The following CES5A variants were observed in gnomAD, a reference collection of about 807,000 sequenced individuals.
CES5A encodes carboxylesterase 5.
A neutral mutation model predicts 62.9 loss-of-function variants in CES5A; 67 were observed. That is an observed-to-expected ratio of 1.07 (90% CI 0.88 to 1.31). The LOEUF is 1.31. CES5A is among the 50% of genes most tolerant of loss of function. The probability of loss-of-function intolerance (pLI) is 0.00; values close to 1 mark genes in which losing one functional copy is unlikely to be tolerated. For synonymous variants in CES5A, 296 were observed against 280.8 expected (o/e 1.05, Z -0.54); for missense variants, 748 against 708.5 (o/e 1.06, Z -0.63).
upstream of CES5A, among the ~76,000 whole-genome samples, chr16:55,879,229 C>A (rs556810812): frequency 6.6e-6 from 1 of 150,826 alleles, no homozygotes; most frequent in Admixed American, 6.6e-5. Context: ...CATCACTGCA[C>A]CCCATCACTG....
In CES5A at chr16:55,875,179, C is replaced by A. The variant is rs752167687; in HGVS notation, c.43G>T (p.Ala15Ser). The change falls in exon 1 of 13, where the codon GCT becomes TCT. Residue 15 changes from alanine (A) to serine (S), a missense_variant. Ala to Ser is a moderately conservative substitution (Grantham distance 99). Coordinates refer to ENST00000290567, the MANE Select transcript of CES5A (RefSeq NM_001143685.2). The stretch of plus-strand genomic sequence containing the variant: ...GTGGGGGCTGCAAGGACCCAGATAG[C>A]CCAAATTAGGATCTGGCCTGGGTGC... ...WVHPGQILIWAIWVLAAPTKG... is the reference protein window; with the variant it reads ...WVHPGQILIWSIWVLAAPTKG... The A allele has an allele frequency of 4.3e-6, 7 of 1,614,098 alleles. No individual in the cohort carries two copies. The highest frequency in any genetic ancestry group is 5.1e-6 in the Non-Finnish European group (6 of 1,180,002).
chr16:55,939,508 A>G (rs1437336799), intron 2 of CES5A, among the ~76,000 whole-genome samples: 1 of 152,170 alleles, frequency 6.6e-6, no homozygotes, highest in African/African-American at 2.4e-5. Flanking sequence ...CCCCTCTGTT[A>G]TTCTAGGACC....
At chr16:55,859,411 G>T (rs181830227) in intron 8 of CES5A, 136 bp downstream of exon 8, 31 of 778,260 alleles carry the variant, frequency 4.0e-5, no homozygotes, top group Admixed American at 2.7e-4. Context: ...AGAGAGTAAA[G>T]GTGATCACTG....
intron 2 of CES5A, among the ~76,000 whole-genome samples, chr16:55,948,607 A>G (rs2034522177): frequency 6.6e-6 from 1 of 152,138 alleles, no homozygotes; most frequent in South Asian, 2.1e-4. Context: ...ACAAAAGAAA[A>G]GGCAAGTTTT....
At chr16:55,920,705 C>T (rs2034195639) in intron 1 of CES5A, among the ~76,000 whole-genome samples, 1 of 152,136 alleles carries the variant, frequency 6.6e-6, no homozygotes, top group South Asian at 2.1e-4. Flanking sequence ...AATGCAAAGA[C>T]ATAAACATAC....
intron 5 of CES5A, among the ~76,000 whole-genome samples, chr16:55,864,207 T>C (rs189724257): frequency 2.0e-4 from 31 of 152,368 alleles, no homozygotes; most frequent in African/African-American, 6.7e-4. Context: ...ATGGTTGTTA[T>C]AATATATGAA....
chr16:55,931,377 A>G (rs1425766465), intron 2 of CES5A, among the ~76,000 whole-genome samples: 5 of 152,162 alleles, frequency 3.3e-5, no homozygotes, highest in Non-Finnish European at 5.9e-5. Context: ...TGATGCCCAA[A>G]AGGAATTAGC....
At chr16:55,953,700 T>C (rs531126035) in intron 1 of CES5A, among the ~76,000 whole-genome samples, 338 of 152,304 alleles carry the variant, frequency 2.2e-3, no homozygotes, top group African/African-American at 7.7e-3. Flanking sequence ...TTTTGCTTTT[T>C]AGTTTTTCTT....
intron 2 of CES5A, among the ~76,000 whole-genome samples, chr16:55,946,658 G>A (rs1294131530): frequency 1.3e-5 from 2 of 152,194 alleles, no homozygotes; most frequent in Admixed American, 1.3e-4. Context: ...GAAGATTGGT[G>A]TATCAGTCAG....
At chr16:55,878,411 G>A (rs2033720645), upstream of CES5A, among the ~76,000 whole-genome samples, 1 of 151,958 alleles carries the variant, frequency 6.6e-6, no homozygotes, top group Non-Finnish European at 1.5e-5. Context: ...TGGACCCACA[G>A]CTGGGAAGCC....
chr16:55,914,242 T>C (rs2034122516), intron 1 of CES5A, among the ~76,000 whole-genome samples: 1 of 152,186 alleles, frequency 6.6e-6, no homozygotes, highest in Non-Finnish European at 1.5e-5. Context: ...ATGGGGAAAA[T>C]AGTATCTACT....
intron 1 of CES5A, among the ~76,000 whole-genome samples, chr16:55,874,329 T>A: frequency 6.6e-6 from 1 of 152,120 alleles, no homozygotes; most frequent in Non-Finnish European, 1.5e-5. Flanking sequence ...TGAGAGCGCT[T>A]TCTTTCTACA....
chr16:55,867,095 G>A (rs1238638424), intron 4 of CES5A, among the ~76,000 whole-genome samples: 1 of 152,160 alleles, frequency 6.6e-6, no homozygotes, highest in African/African-American at 2.4e-5. Flanking sequence ...GGGCTAGAGA[G>A]AGACTGCGAT....
rs138787554 is a variant in CES5A at position 55,931,660 on chromosome 16, C to A, written c.160+18125G>T. Reference sequence around the variant, plus strand: ...TTAATCTATCAGGCCAACTAATAGCCCTCTGTCCTTTGGGGCCTGCCTCAG... The same window carrying A: ...TTAATCTATCAGGCCAACTAATAGCACTCTGTCCTTTGGGGCCTGCCTCAG... On this transcript the variant is annotated intron_variant, in intron 2 of 13. Coordinates refer to the CES5A transcript ENST00000521992. 5.3e-3 allele frequency among the ~76,000 whole-genome samples: 800 copies of A among 152,274 alleles called. 8 individuals are homozygous for A. Among genetic ancestry groups the A allele is most frequent in the African/African-American group, 0.019 (773 of 41,554 alleles).
At chr16:55,900,028 G>C (rs1372264012) in intron 1 of CES5A, among the ~76,000 whole-genome samples, 1 of 152,194 alleles carries the variant, frequency 6.6e-6, no homozygotes, top group Admixed American at 6.5e-5. Flanking sequence ...ACGTGGCCCA[G>C]AGAGGGTAAG....
At chr16:55,878,906 C>T (rs1480804245), upstream of CES5A, among the ~76,000 whole-genome samples, 82 of 149,454 alleles carry the variant, frequency 5.5e-4, no homozygotes, top group Middle Eastern at 3.5e-3. Flanking sequence ...CATCACTGCA[C>T]CCTACCACTG....
chr16:55,924,792 G>T (rs1194613864), intron 1 of CES5A, among the ~76,000 whole-genome samples: 2 of 151,632 alleles, frequency 1.3e-5, no homozygotes, highest in African/African-American at 2.4e-5. Context: ...AATAAATGAT[G>T]CTGGGAAAAC....
At position 55,854,544 on chromosome 16, in the gene CES5A, C is replaced by CTTTTTTTTTTTTTTTTTTT. The variant is rs56017491; in HGVS notation, c.1126-1517_1126-1516insAAAAAAAAAAAAAAAAAAA. On this transcript the variant is annotated intron_variant, in intron 9 of 12. Coordinates refer to ENST00000290567, the MANE Select transcript of CES5A (RefSeq NM_001143685.2). ...CCTGTAGTGTTTCTTTTTTTTTTTT[C>CTTTTTTTTTTTTTTTTTTT]TTTTTTTTTTTTTGAGACAGAGTCT... Among the ~76,000 whole-genome samples, 47 of 64,406 alleles carry CTTTTTTTTTTTTTTTTTTT rather than the reference C, an allele frequency of 7.3e-4. 9 individuals carry two copies. The highest frequency in any genetic ancestry group is 2.7e-3 in the African/African-American group (39 of 14,310). 42.3% of individuals were successfully genotyped at this position (64,406 alleles called of 152,430 possible). A position where few individuals can be genotyped will look rare whatever the true frequency, so the allele number is the denominator to read the frequency against.
At chr16:55,930,755 C>A (rs1199012504) in intron 2 of CES5A, among the ~76,000 whole-genome samples, 8 of 152,122 alleles carry the variant, frequency 5.3e-5, no homozygotes, top group African/African-American at 1.9e-4. Flanking sequence ...TTTTCCAGTG[C>A]TAAACTGTAG....
Sources: allele counts gnomAD v4.1 joint callset (sites outside exome capture counted in the v4.1 genomes callset), GRCh38; gene constraint gnomAD v4.1.1; transcripts MANE v1.5; gene names NCBI Gene and HGNC (gene_info 2026-07-23, HGNC 2026-07-21).